CDH13: variants seen among roughly 807,000 people sequenced by gnomAD.
The protein encoded by CDH13 is cadherin 13, also known as cadherin-13.
CDH13 carries 24 observed loss-of-function variants against 63.8 expected under a neutral mutation model. The observed-to-expected ratio is 0.38, with a 90% confidence interval of 0.27 to 0.53. The LOEUF is 0.53. Among genes scored for constraint, CDH13 ranks in the 20% least tolerant of loss-of-function variants. CDH13 has a pLI of 0.85. For synonymous variants in CDH13, 503 were observed against 355.3 expected, an observed-to-expected ratio of 1.42 and a Z score of -4.67; for missense variants, 1,049 against 903.1, an observed-to-expected ratio of 1.16 and a Z score of -2.07.
chr16:83,512,093 G>A (rs1356031708), intron 7 of CDH13, among the ~76,000 whole-genome samples: 2 of 152,040 alleles, frequency 1.3e-5, no homozygotes, highest in Non-Finnish European at 2.9e-5. Flanking sequence ...AGGCCGAGGC[G>A]GGCGGATCAC....
At chr16:83,564,861 C>T (rs1348676456) in intron 7 of CDH13, among the ~76,000 whole-genome samples, 1 of 152,178 alleles carries the variant, frequency 6.6e-6, no homozygotes, top group Non-Finnish European at 1.5e-5. Flanking sequence ...CCCATGTCTG[C>T]CACAGCACAA....
rs1248373229 is a variant in CDH13, at chr16:83,602,491, C to T, written c.998C>T (p.Ala333Val). The change falls in exon 8 of 14, where the codon GCT (alanine) becomes GTT (valine). Residue 333 changes from alanine (A) to valine (V), a missense_variant. By Grantham distance (64) the Ala-to-Val change is moderately conservative (BLOSUM62 0). Coordinates refer to ENST00000567109, the MANE Select transcript of CDH13 (RefSeq NM_001257.5). ...CCCAAGTATGAACTGATCATCGAGG[C>T]TCAAGATATGGCTGGACTGGATGTT... The part of the protein sequence containing the change: ...ENPKYELIIE[A>V]QDMAGLDVGL... 3.7e-6 allele frequency: 6 copies of T among 1,613,806 alleles called. No individual in the cohort carries two copies. The highest frequency in any genetic ancestry group is 5.1e-6 in the Non-Finnish European group (6 of 1,179,818).
chr16:83,775,671 GC>G (rs1326403300), intron 11 of CDH13, among the ~76,000 whole-genome samples: 1 of 151,812 alleles, frequency 6.6e-6, no homozygotes. Flanking sequence ...CCAAGATCGT[GC>G]CACACTGCAC....
intron 1 of CDH13, among the ~76,000 whole-genome samples, chr16:82,833,074 T>A (rs1271865142): frequency 6.6e-6 from 1 of 152,208 alleles, no homozygotes; most frequent in African/African-American, 2.4e-5. Context: ...GTCAGTGTGT[T>A]ATGGTAACAT....
chr16:82,657,137 C>T (rs1050494208), intron 1 of CDH13, among the ~76,000 whole-genome samples: 2 of 152,006 alleles, frequency 1.3e-5, no homozygotes, highest in Non-Finnish European at 2.9e-5. Context: ...CAATGGATGC[C>T]TGAAACTATG....
chr16:82,641,444 A>C (rs950780869), intron 1 of CDH13, among the ~76,000 whole-genome samples: 23 of 152,194 alleles, frequency 1.5e-4, no homozygotes, highest in African/African-American at 5.5e-4. Context: ...TAACAGAAAG[A>C]ATTATGGTAG....
intron 6 of CDH13, among the ~76,000 whole-genome samples, chr16:83,427,418 G>T (rs188273842): frequency 2.0e-5 from 3 of 152,180 alleles, no homozygotes; most frequent in Admixed American, 2.0e-4. Flanking sequence ...AAGGAATGTG[G>T]GTAGCCTCAA....
intron 3 of CDH13, among the ~76,000 whole-genome samples, chr16:83,070,061 ATAGAAAAATTGTTT>A (rs2032321134): frequency 6.6e-6 from 1 of 152,138 alleles, no homozygotes; most frequent in Non-Finnish European, 1.5e-5. Context: ...GCTTCTCTAG[ATAGAAAAATTGTTT>A]TCACCTAAAA....
chr16:83,112,831 T>A (rs973505744), intron 3 of CDH13, among the ~76,000 whole-genome samples: 5 of 152,240 alleles, frequency 3.3e-5, no homozygotes, highest in African/African-American at 4.8e-5. Flanking sequence ...GTTTATTTTT[T>A]AAAAATATTT....
chr16:82,847,086 A>G (rs891060056), intron 1 of CDH13, among the ~76,000 whole-genome samples: 29 of 151,018 alleles, frequency 1.9e-4, no homozygotes, highest in Admixed American at 2.6e-4. Context: ...TTCCTTTCTA[A>G]CTCCTCTATT....
chr16:82,736,646 AAG>A (rs750722326), intron 1 of CDH13, among the ~76,000 whole-genome samples: 23 of 152,204 alleles, frequency 1.5e-4, no homozygotes, highest in Non-Finnish European at 2.8e-4. Context: ...AAATCTGTTC[AAG>A]TCTCCCATGG....
chr16:82,831,685 C>A (rs1881081339), intron 1 of CDH13, among the ~76,000 whole-genome samples: 1 of 152,194 alleles, frequency 6.6e-6, no homozygotes. Context: ...AAAACAAATT[C>A]TCAGATACAA....
chr16:83,750,403 T>C (rs1014867060), intron 11 of CDH13, among the ~76,000 whole-genome samples: 1 of 152,256 alleles, frequency 6.6e-6, no homozygotes, highest in Non-Finnish European at 1.5e-5. Context: ...CCAGTGGTTC[T>C]TCAGGCCTAA....
At chr16:83,596,118 A>G (rs1432210487) in intron 7 of CDH13, among the ~76,000 whole-genome samples, 1 of 152,176 alleles carries the variant, frequency 6.6e-6, no homozygotes, top group Non-Finnish European at 1.5e-5. Context: ...GGAGAATACA[A>G]CTTGATCTTG....
At chr16:83,604,874 GA>G (rs926228169) in intron 8 of CDH13, among the ~76,000 whole-genome samples, 1 of 151,804 alleles carries the variant, frequency 6.6e-6, no homozygotes, top group Non-Finnish European at 1.5e-5. Context: ...TGTGACTTAG[GA>G]AAAAAAGAAA....
At chr16:83,650,083 G>A (rs978472538) in intron 8 of CDH13, among the ~76,000 whole-genome samples, 26 of 152,186 alleles carry the variant, frequency 1.7e-4, no homozygotes, top group Non-Finnish European at 1.5e-4. Flanking sequence ...CTCCTTTCAA[G>A]CCTCTGCTCC....
intron 5 of CDH13, among the ~76,000 whole-genome samples, chr16:83,249,293 T>A (rs1053667311): frequency 1.3e-5 from 2 of 152,232 alleles, no homozygotes; most frequent in Non-Finnish European, 2.9e-5. Flanking sequence ...CCGTTGTTAA[T>A]GTCTCTTTCT....
chr16:83,748,472 G>C (rs1296779799), intron 11 of CDH13, among the ~76,000 whole-genome samples: 1 of 152,150 alleles, frequency 6.6e-6, no homozygotes, highest in Non-Finnish European at 1.5e-5. Flanking sequence ...TCTGGTGAGA[G>C]GTCAGAGCAA....
chr16:83,278,899 A>T (rs2089075771), intron 5 of CDH13, among the ~76,000 whole-genome samples: 1 of 152,166 alleles, frequency 6.6e-6, no homozygotes. Flanking sequence ...TTAGTCTCAT[A>T]ATCAGTCTTA....
Sources: gnomAD v4.1 joint callset for allele counts (sites outside exome capture counted in the v4.1 genomes callset) on GRCh38, gnomAD v4.1.1 for gene constraint, MANE v1.5 for transcripts, NCBI Gene and HGNC (gene_info 2026-07-23, HGNC 2026-07-21) for gene names.